The following MAGI2 variants were observed in gnomAD, a reference collection of about 807,000 sequenced individuals.
MAGI2 encodes the protein membrane-associated guanylate kinase, WW and PDZ domain-containing protein 2.
In MAGI2, 35 loss-of-function variants were observed where a neutral mutation model predicts 133.3. The ratio of observed to expected loss-of-function variants is 0.26; its 90% confidence interval spans 0.20 to 0.35. The LOEUF is 0.35. Ranked by LOEUF, MAGI2 falls within the 10% of genes least tolerant of loss-of-function variation. The pLI is 1.00. For missense variants in MAGI2, 1,636 were observed against 1,863.4 expected, an observed-to-expected ratio of 0.88 and a Z score of 2.25; for synonymous variants, 729 against 710.6, an observed-to-expected ratio of 1.03 and a Z score of -0.41.
chr7:78,640,554 C>T (rs1810177726), intron 2 of MAGI2, among the ~76,000 whole-genome samples: 1 of 152,108 alleles, frequency 6.6e-6, no homozygotes, highest in Non-Finnish European at 1.5e-5. Flanking sequence ...TCTTTACCTC[C>T]TTTAGAGAGA....
intron 9 of MAGI2, among the ~76,000 whole-genome samples, chr7:78,307,005 T>G (rs756998897): frequency 6.6e-6 from 1 of 152,140 alleles, no homozygotes; most frequent in African/African-American, 2.4e-5. Flanking sequence ...GCACAAAATA[T>G]ACCCTGGAAA....
Position 79,255,492 on chromosome 7 carries a change from A to C in MAGI2, c.301+197528T>G, listed in dbSNP as rs180690993. Among the ~76,000 whole-genome samples, 61 of 152,358 alleles carry C rather than the reference A, an allele frequency of 4.0e-4. No homozygotes were observed. In the East Asian group the frequency reaches 0.011, roughly 28 times the overall value. On this transcript the variant is annotated intron_variant, in intron 1 of 21. Transcript: ENST00000354212. ...TAAAAATGTGAAACAGTTATGTAAAAAGAATATGAAAATATGTGATGGAAT... is the reference window on the plus strand; with the variant it reads ...TAAAAATGTGAAACAGTTATGTAAACAGAATATGAAAATATGTGATGGAAT...
chr7:78,344,057 G>A lies in MAGI2; in HGVS notation c.1226-97C>T, dbSNP rs564950590. On this transcript the variant is annotated intron_variant, in intron 8 of 21. Transcript: ENST00000354212. ...GCCCCTGAGCAGCGACAATCCCAGG[G>A]GTAAATGTGGGGGGTCTTATACAGC... The A allele has an allele frequency of 3.2e-4, 332 of 1,047,322 alleles. 3 individuals are homozygous for A. In the South Asian group the frequency reaches 4.9e-3, roughly 15 times the overall value. 64.9% of individuals were successfully genotyped at this position (1,047,322 alleles called of 1,614,324 possible).
intron 20 of MAGI2, among the ~76,000 whole-genome samples, chr7:78,095,113 C>T (rs938697502): frequency 6.6e-6 from 1 of 152,242 alleles, no homozygotes; most frequent in South Asian, 2.1e-4. Context: ...TTACTTTGTG[C>T]CAGGTCATGT....
chr7:78,140,482 G>C (rs74525622), intron 16 of MAGI2, among the ~76,000 whole-genome samples: 8 of 152,194 alleles, frequency 5.3e-5, no homozygotes, highest in Non-Finnish European at 1.2e-4. Context: ...TTCCTGAAAT[G>C]AGTGTGAGAA....
chr7:78,201,067 G>T, intron 11 of MAGI2, 95 bp downstream of exon 11: 1 of 785,438 alleles, frequency 1.3e-6, no homozygotes, highest in Non-Finnish European at 2.1e-6. Context: ...TCCTAGAGTT[G>T]AAAGAGATTT....
intron 2 of MAGI2, among the ~76,000 whole-genome samples, chr7:78,889,667 C>G (rs1796575016): frequency 6.6e-6 from 1 of 152,128 alleles, no homozygotes; most frequent in African/African-American, 2.4e-5. Flanking sequence ...ACTTTACAGA[C>G]AAGCAAATAC....
intron 2 of MAGI2, among the ~76,000 whole-genome samples, chr7:78,818,675 T>C (rs1789816461): frequency 6.6e-6 from 1 of 152,204 alleles, no homozygotes; most frequent in Non-Finnish European, 1.5e-5. Context: ...TCTTAGAATA[T>C]GGATGTTCCC....
chr7:78,396,110 G>T (rs10251797), intron 6 of MAGI2, among the ~76,000 whole-genome samples: 24,663 of 152,160 alleles, frequency 0.16, 2,159 homozygotes, highest in South Asian at 0.22. Context: ...AGGACAATTT[G>T]GAGAGGGTGC....
Position 78,724,976 on chromosome 7 carries a change from G to GA in MAGI2, c.419-97738dup, listed in dbSNP as rs1283264711. On this transcript the variant is annotated intron_variant, in intron 2 of 21. Coordinates refer to ENST00000354212, the MANE Select transcript of MAGI2 (RefSeq NM_012301.4). ...CAGTGAAGATTTTTGAAATGTTAAAGAAAAAAATAGAGGAACTAGGAATAA... is the reference window on the plus strand; with the variant it reads ...CAGTGAAGATTTTTGAAATGTTAAAGAAAAAAAATAGAGGAACTAGGAATAA... Among the ~76,000 whole-genome samples the GA allele has an allele frequency of 2.0e-5, 3 of 151,968 alleles. No homozygotes were observed. In the East Asian group the frequency reaches 5.8e-4, roughly 29 times the overall value.
chr7:78,149,260 C>T (rs1823625919), intron 16 of MAGI2, among the ~76,000 whole-genome samples: 1 of 152,114 alleles, frequency 6.6e-6, no homozygotes, highest in Non-Finnish European at 1.5e-5. Flanking sequence ...AACCTAGAAC[C>T]TTAAGGAAGG....
intron 2 of MAGI2, among the ~76,000 whole-genome samples, chr7:78,638,620 G>A (rs1809932516): frequency 6.6e-6 from 1 of 151,962 alleles, no homozygotes; most frequent in Non-Finnish European, 1.5e-5. Context: ...ACAATATACA[G>A]GTATAACATA....
At chr7:79,197,528 CTCTT>C (rs1828191057) in intron 1 of MAGI2, among the ~76,000 whole-genome samples, 1 of 152,058 alleles carries the variant, frequency 6.6e-6, no homozygotes, top group African/African-American at 2.4e-5. Context: ...CTAACTTGGT[CTCTT>C]TCTAAGTAGA....
chr7:79,348,880 GA>G (rs1841498793), intron 1 of MAGI2, among the ~76,000 whole-genome samples: 1 of 151,714 alleles, frequency 6.6e-6, no homozygotes, highest in African/African-American at 2.4e-5. Context: ...TTCTCTTTTA[GA>G]AAAAATTATG....
At chr7:78,501,879 T>G (rs1794659099) in intron 4 of MAGI2, 92 bp from the exon 5 acceptor site, 2 of 881,128 alleles carry the variant, frequency 2.3e-6, no homozygotes, top group Admixed American at 4.4e-5. Context: ...ATAAACGTCA[T>G]GAATAACTTC....
At chr7:78,513,311 G>A (rs143636820) in intron 4 of MAGI2, among the ~76,000 whole-genome samples, 23 of 152,162 alleles carry the variant, frequency 1.5e-4, no homozygotes, top group African/African-American at 5.1e-4. Flanking sequence ...AAAGTCAAAC[G>A]GGAAAAAACA....
chr7:78,893,097 G>A (rs1339659909), intron 2 of MAGI2, among the ~76,000 whole-genome samples: 1 of 151,540 alleles, frequency 6.6e-6, no homozygotes, highest in African/African-American at 2.4e-5. Flanking sequence ...CTCAAAAGAA[G>A]ACATTTATGC....
At chr7:78,776,427 A>C (rs1825995097) in intron 2 of MAGI2, among the ~76,000 whole-genome samples, 1 of 152,238 alleles carries the variant, frequency 6.6e-6, no homozygotes, top group South Asian at 2.1e-4. Flanking sequence ...CTCTTGAGAC[A>C]TTTATGATCT....
intron 1 of MAGI2, chr7:79,411,436 C>T (rs1393928300): frequency 2.0e-5 from 3 of 152,116 alleles, no homozygotes; most frequent in African/African-American, 2.4e-5. Context: ...ACAATAAAAA[C>T]TTGTCCTGAT....
Sources: allele counts gnomAD v4.1 joint callset (sites outside exome capture counted in the v4.1 genomes callset), GRCh38; gene constraint gnomAD v4.1.1; transcripts MANE v1.5; gene names NCBI Gene and HGNC (gene_info 2026-07-23, HGNC 2026-07-21).